SLC6A6: variants seen among roughly 807,000 people sequenced by gnomAD.
The protein encoded by SLC6A6 is sodium- and chloride-dependent taurine transporter.
SLC6A6 carries 16 observed loss-of-function variants against 68.8 expected under a neutral mutation model. The ratio of observed to expected loss-of-function variants is 0.23; its 90% CI spans 0.16 to 0.35. The LOEUF (loss-of-function observed/expected upper bound fraction) is 0.35, where lower values mean the gene tolerates loss of function less well. Ranked by LOEUF, SLC6A6 falls within the 10% of genes least tolerant of loss-of-function variation. SLC6A6 has a pLI of 1.00. For missense variants in SLC6A6, 474 were observed against 802.8 expected, an observed-to-expected ratio of 0.59 and a Z score of 4.95; for synonymous variants, 312 against 315.4, an observed-to-expected ratio of 0.99 and a Z score of 0.12.
chr3:14,440,474 C>A (rs957937837), intron 2 of SLC6A6, among the ~76,000 whole-genome samples: 9 of 151,984 alleles, frequency 5.9e-5, no homozygotes, highest in African/African-American at 2.2e-4. Context: ...GCCAGAGGGT[C>A]GGCAGGGGCA....
intron 5 of SLC6A6, among the ~76,000 whole-genome samples, chr3:14,456,317 T>A (rs1700366199): frequency 6.6e-6 from 1 of 152,250 alleles, no homozygotes; most frequent in African/African-American, 2.4e-5. Context: ...AGCTGTCCTG[T>A]CTTATGGCTG....
At chr3:14,434,778 C>T (rs35267963) in intron 2 of SLC6A6, among the ~76,000 whole-genome samples, 39,413 of 152,068 alleles carry the variant, frequency 0.26, 5,203 homozygotes, top group Admixed American at 0.31. Context: ...CCACCGGGAG[C>T]CTGCCGTGCC....
intron 5 of SLC6A6, among the ~76,000 whole-genome samples, chr3:14,457,421 G>A (rs1190881118): frequency 6.6e-6 from 1 of 152,190 alleles, no homozygotes; most frequent in Non-Finnish European, 1.5e-5. Context: ...TTAGGACCTT[G>A]TGTGACTTAC....
At chr3:14,448,003 CT>C in intron 5 of SLC6A6, 187 bp downstream of exon 5, 1 of 1,399,262 alleles carries the variant, frequency 7.1e-7, no homozygotes, top group Middle Eastern at 2.6e-4. Flanking sequence ...CTGCCACTTA[CT>C]GGCTGTTTGA....
intron 6 of SLC6A6, among the ~76,000 whole-genome samples, chr3:14,463,026 G>A (rs1305497288): frequency 6.6e-6 from 1 of 152,218 alleles, no homozygotes; most frequent in Admixed American, 6.5e-5. Context: ...TTTTGTGCGT[G>A]TGTGTGACTC....
chr3:14,487,030 A>G lies in SLC6A6; in HGVS notation c.*2023A>G, dbSNP rs1232497479. 1.3e-5 allele frequency: 2 copies of G among 152,592 alleles called. No individual in the cohort carries two copies. The highest frequency in any genetic ancestry group is 2.9e-5 in the Non-Finnish European group (2 of 68,026). The allele number at this position is 152,592 out of a possible 1,614,324, so 9.5% of individuals were successfully genotyped here. ...TGTGACCTGTTTTCCTTTGTCTTAT[A>G]TAACTTTAGTAAACTAACCACTGTC... is the stretch of plus-strand genomic sequence containing the variant. On this transcript the variant is annotated 3_prime_UTR_variant, in exon 15 of 15. Coordinates refer to ENST00000622186, the MANE Select transcript of SLC6A6 (RefSeq NM_003043.6).
Position 14,474,066 on chromosome 3 carries a change from G to A in SLC6A6, c.1209+1749G>A, listed in dbSNP as rs1478651374. Reference sequence around the variant, plus strand: ...AGCCACTCCTCCTACTTTGCAGAGCGAGGAACTCAAGGCTCAGAGCAGTTA... The same window carrying A: ...AGCCACTCCTCCTACTTTGCAGAGCAAGGAACTCAAGGCTCAGAGCAGTTA... On this transcript the variant is annotated intron_variant, in intron 10 of 14. Transcript: ENST00000622186. 2.0e-5 allele frequency among the ~76,000 whole-genome samples: 3 copies of A among 152,312 alleles called. No individual in the cohort carries two copies. The East Asian group carries it at 5.8e-4, about 29-fold the overall frequency.
chr3:14,413,373 T>C (rs1403346653), intron 1 of SLC6A6, among the ~76,000 whole-genome samples: 1 of 152,240 alleles, frequency 6.6e-6, no homozygotes, highest in Non-Finnish European at 1.5e-5. Flanking sequence ...GCAGGCATTC[T>C]CCGTAATCGC....
intron 2 of SLC6A6, among the ~76,000 whole-genome samples, chr3:14,417,573 A>C (rs1165457558): frequency 6.6e-6 from 1 of 150,758 alleles, no homozygotes; most frequent in African/African-American, 2.5e-5. Flanking sequence ...CTACTAAAAA[A>C]CACAAAAAAT....
At chr3:14,424,244 T>G (rs1185598048) in intron 2 of SLC6A6, among the ~76,000 whole-genome samples, 1 of 151,300 alleles carries the variant, frequency 6.6e-6, no homozygotes, top group African/African-American at 2.5e-5. Context: ...CTAGGGACCC[T>G]GAAATGAGCT....
chr3:14,478,729 A>G (rs1365018392), intron 12 of SLC6A6, 161 bp downstream of exon 12: 6 of 629,888 alleles, frequency 9.5e-6, no homozygotes, highest in Non-Finnish European at 1.7e-5. Context: ...GCCACACTGA[A>G]GATCCTCCTG....
intron 2 of SLC6A6, 63 bp from the exon 3 acceptor site, chr3:14,443,559 TTG>T (rs1265595408): frequency 4.4e-6 from 5 of 1,136,672 alleles, no homozygotes; most frequent in Non-Finnish European, 5.2e-6. Context: ...GAAGCAGAGA[TTG>T]TGTCTGAGAC....
rs1054146563 is a variant in SLC6A6, at chr3:14,461,814, G to A, written c.732+3732G>A. Among the ~76,000 whole-genome samples the A allele has an allele frequency of 7.2e-5, 11 of 152,292 alleles. No individual in the cohort carries two copies. In the East Asian group the frequency reaches 2.1e-3, roughly 29 times the overall value. ...CTGAGGATCCTTAGGGCCTGCCTAG[G>A]ATCTCTGGGATCAATGGCGAGCCCT... On this transcript the variant is annotated intron_variant, in intron 6 of 14. Coordinates refer to ENST00000622186, the MANE Select transcript of SLC6A6 (RefSeq NM_003043.6).
chr3:14,438,630 A>G (rs1699913931), intron 2 of SLC6A6, among the ~76,000 whole-genome samples: 1 of 152,088 alleles, frequency 6.6e-6, no homozygotes, highest in South Asian at 2.1e-4. Flanking sequence ...CAACCCGCTG[A>G]TCAGTTTGCT....
intron 14 of SLC6A6, 138 bp from the exon 15 acceptor site, chr3:14,484,729 A>G: frequency 1.3e-6 from 1 of 791,410 alleles, no homozygotes; most frequent in Non-Finnish European, 2.0e-6. Context: ...AAGGACAAAA[A>G]CAGGAGATCA....
chr3:14,478,804 G>C (rs980308480), intron 12 of SLC6A6: 1 of 594,166 alleles, frequency 1.7e-6, no homozygotes, highest in Non-Finnish European at 3.0e-6. Context: ...TGCAGGACCT[G>C]GAATACTCCT....
At chr3:14,452,421 G>A (rs980507870) in intron 5 of SLC6A6, among the ~76,000 whole-genome samples, 6 of 152,216 alleles carry the variant, frequency 3.9e-5, no homozygotes, top group Non-Finnish European at 8.8e-5. Context: ...TGCCCTGCCC[G>A]AGGTCACGTG....
chr3:14,462,655 C>A (rs1245712497), intron 6 of SLC6A6, among the ~76,000 whole-genome samples: 1 of 151,854 alleles, frequency 6.6e-6, no homozygotes, highest in South Asian at 2.1e-4. Flanking sequence ...GCTTTGATTG[C>A]GCCATTGCAC....
chr3:14,409,533 C>G (rs995817487), intron 1 of SLC6A6, among the ~76,000 whole-genome samples: 1 of 152,242 alleles, frequency 6.6e-6, no homozygotes, highest in African/African-American at 2.4e-5. Context: ...GATGCCTCAG[C>G]CCATCCTCGT....
Sources: allele counts gnomAD v4.1 joint callset (sites outside exome capture counted in the v4.1 genomes callset), GRCh38; gene constraint gnomAD v4.1.1; transcripts MANE v1.5; gene names NCBI Gene and HGNC (gene_info 2026-07-23, HGNC 2026-07-21).